Variants in PDE8B observed in about 807,000 individuals in gnomAD.
The protein encoded by PDE8B is high affinity cAMP-specific and IBMX-insensitive 3',5'-cyclic phosphodiesterase 8B.
PDE8B carries 26 observed loss-of-function variants against 101.3 expected under a neutral mutation model. The observed-to-expected ratio is 0.26, with a 90% CI of 0.19 to 0.36. The LOEUF (loss-of-function observed/expected upper bound fraction) is 0.36, where lower values mean the gene tolerates loss of function less well. Among genes scored for constraint, PDE8B ranks in the 10% least tolerant of loss-of-function variants. The pLI, the probability that PDE8B is intolerant of heterozygous loss-of-function variation, is 1.00. For synonymous variants in PDE8B, 424 were observed against 429.3 expected (o/e 0.99, Z 0.15); for missense variants, 810 against 1,163.1 (o/e 0.70, Z 4.42).
intron 9 of PDE8B, 83 bp downstream of exon 9, chr5:77,351,236 A>T (rs1407181771): frequency 7.0e-6 from 7 of 996,176 alleles, no homozygotes. Flanking sequence ...TGCCAGTATG[A>T]GCCTTACATC....
intron 15 of PDE8B, 107 bp downstream of exon 15, chr5:77,411,828 T>C: frequency 1.1e-6 from 1 of 908,954 alleles, no homozygotes; most frequent in Non-Finnish European, 1.8e-6. Context: ...TAGTCCCATT[T>C]GAGTTTAAGC....
At chr5:77,424,085 A>G (rs145927885) in intron 20 of PDE8B, among the ~76,000 whole-genome samples, 2,149 of 152,304 alleles carry the variant, frequency 0.014, 38 homozygotes, top group Middle Eastern at 0.068. Context: ...TGAGCTTTCC[A>G]GAGAGAAGAA....
chr5:77,227,943 G>A (rs1311291690), intron 1 of PDE8B, among the ~76,000 whole-genome samples: 1 of 152,138 alleles, frequency 6.6e-6, no homozygotes, highest in East Asian at 1.9e-4. Context: ...CATAGACTTA[G>A]GGGCTTAAGA....
intron 4 of PDE8B, among the ~76,000 whole-genome samples, chr5:77,329,609 G>A (rs1776728309): frequency 6.6e-6 from 1 of 152,186 alleles, no homozygotes; most frequent in Non-Finnish European, 1.5e-5. Flanking sequence ...GAAACTGTAG[G>A]ATGAGCGCTT....
At position 77,412,189 on chromosome 5, in the gene PDE8B, AG is replaced by A. The variant is rs1794697236; in HGVS notation, c.1667del (p.Ser556IlefsTer23). 1 of 1,613,790 alleles carries A rather than the reference AG, an allele frequency of 6.2e-7. No individual in the cohort carries two copies. Among genetic ancestry groups the A allele is most frequent in the Non-Finnish European group, 8.5e-7 (1 of 1,179,820 alleles). On this transcript the variant is annotated frameshift_variant, in exon 16 of 22. Coordinates refer to ENST00000264917, the MANE Select transcript of PDE8B (RefSeq NM_003719.5). LOFTEE classifies it high-confidence loss of function. ...CTCTCAATTACTTGATAATGAGGAG[AG>A]TTGGGACTTCAACATCTTTGAATTG... ...CISQLLDNEE[S>X]WDFNIFELEA...
At chr5:77,378,666 C>A (rs975307130) in intron 10 of PDE8B, among the ~76,000 whole-genome samples, 1 of 152,150 alleles carries the variant, frequency 6.6e-6, no homozygotes, top group East Asian at 1.9e-4. Context: ...CCAATGCCGC[C>A]GGTACACTGA....
intron 1 of PDE8B, among the ~76,000 whole-genome samples, chr5:77,260,157 C>CAAAAAAAAAAAAAAGAAAA (rs1760188037): frequency 2.0e-5 from 2 of 100,982 alleles, no homozygotes; most frequent in Non-Finnish European, 4.0e-5. Context: ...AACTCCATCA[C>CAAAAAAAAAAAAAAGAAAA]AAAAAAAAAA....
chr5:77,090,231 AG>A, the PDE8B span, among the ~76,000 whole-genome samples: 1 of 152,094 alleles, frequency 6.6e-6, no homozygotes, highest in Non-Finnish European at 1.5e-5. Flanking sequence ...TCCAAAGAGA[AG>A]ATTTTTTTCT....
At chr5:77,191,296 TG>T in the PDE8B span, among the ~76,000 whole-genome samples, 1 of 152,122 alleles carries the variant, frequency 6.6e-6, no homozygotes, top group Non-Finnish European at 1.5e-5. Flanking sequence ...ATGAGGTAAA[TG>T]TAAGTTTTTT....
the PDE8B span, among the ~76,000 whole-genome samples, chr5:77,127,767 A>G: frequency 6.6e-6 from 1 of 152,108 alleles, no homozygotes; most frequent in South Asian, 2.1e-4. Flanking sequence ...CAAGGAGAAG[A>G]AGGCTGACTT....
intron 1 of PDE8B, among the ~76,000 whole-genome samples, chr5:77,267,440 A>C (rs907730084): frequency 2.2e-5 from 3 of 137,186 alleles, no homozygotes; most frequent in African/African-American, 8.8e-5. Context: ...ACTCCATCTC[A>C]AAAAAAAAAA....
intron 1 of PDE8B, among the ~76,000 whole-genome samples, chr5:77,249,494 C>A (rs980874503): frequency 1.6e-4 from 25 of 152,308 alleles, no homozygotes; most frequent in African/African-American, 4.6e-4. Flanking sequence ...CCTTTCATGG[C>A]TGTATCTACC....
chr5:77,345,174 A>T (rs376040397), intron 7 of PDE8B, among the ~76,000 whole-genome samples: 8 of 152,168 alleles, frequency 5.3e-5, no homozygotes, highest in Non-Finnish European at 1.0e-4. Flanking sequence ...GTTTAAAAAA[A>T]TTTTATTTTT....
chr5:77,093,656 C>T, the PDE8B span, among the ~76,000 whole-genome samples: 1 of 152,204 alleles, frequency 6.6e-6, no homozygotes, highest in East Asian at 1.9e-4. Flanking sequence ...AGTTAGGGCT[C>T]AAACAAGATG....
intron 1 of PDE8B, among the ~76,000 whole-genome samples, chr5:77,228,627 C>T (rs1752929987): frequency 6.6e-6 from 1 of 151,950 alleles, no homozygotes; most frequent in Non-Finnish European, 1.5e-5. Flanking sequence ...TACCTGAGGA[C>T]CACCATCCAA....
rs921023286 is a variant in PDE8B, at chr5:77,276,077, T to C, written c.340-35917T>C. 2.6e-5 allele frequency among the ~76,000 whole-genome samples: 4 copies of C among 152,356 alleles called. No homozygotes were observed. In the South Asian group the frequency reaches 6.2e-4, roughly 24 times the overall value. ...CTCAAGTGATTGTCTCAAACCTCTATGTCATTTGTTTGTAGAGTTCTTTAG... is the reference window on the plus strand; with the variant it reads ...CTCAAGTGATTGTCTCAAACCTCTACGTCATTTGTTTGTAGAGTTCTTTAG... On this transcript the variant is annotated intron_variant, in intron 1 of 21. Coordinates refer to ENST00000264917, the MANE Select transcript of PDE8B (RefSeq NM_003719.5).
At chr5:77,378,009 T>TACACACACACACACAC (rs3031820) in intron 10 of PDE8B, among the ~76,000 whole-genome samples, 96 of 134,480 alleles carry the variant, frequency 7.1e-4, no homozygotes, top group South Asian at 1.4e-3. Flanking sequence ...CCTCTCTCTC[T>TACACACACACACACAC]ACACACACAC....
chr5:77,201,120 T>C, the PDE8B span, among the ~76,000 whole-genome samples: 2 of 152,110 alleles, frequency 1.3e-5, no homozygotes. Flanking sequence ...AGAAATAAGA[T>C]CCCAGGGCTC....
chr5:77,139,315 T>G, the PDE8B span: 3 of 152,246 alleles, frequency 2.0e-5, no homozygotes, highest in Non-Finnish European at 4.4e-5. Context: ...TGACTACCAA[T>G]GTGTGAGTAA....
Sources: gnomAD v4.1 joint callset for allele counts (sites outside exome capture counted in the v4.1 genomes callset) on GRCh38, gnomAD v4.1.1 for gene constraint, MANE v1.5 for transcripts, NCBI Gene and HGNC (gene_info 2026-07-23, HGNC 2026-07-21) for gene names.